Variants in GALNT17 observed in about 807,000 individuals in gnomAD.
GALNT17 encodes the protein polypeptide N-acetylgalactosaminyltransferase 17, also known as UDP-GalNAc:polypeptide N-acetylgalactosaminyltransferase-like 3.
A neutral mutation model predicts 63.7 loss-of-function variants in GALNT17; 29 were observed. The ratio of observed to expected loss-of-function variants is 0.46; its 90% CI spans 0.34 to 0.62. The LOEUF (loss-of-function observed/expected upper bound fraction) is 0.62. GALNT17 is among the 20% of genes least tolerant of loss of function. The probability of loss-of-function intolerance (pLI) is 0.01; values close to 1 mark genes in which losing one functional copy is unlikely to be tolerated. For missense variants in GALNT17, 603 were observed against 799.6 expected (o/e 0.75, Z 2.97); for synonymous variants, 305 against 318.3 (o/e 0.96, Z 0.45).
intron 6 of GALNT17, among the ~76,000 whole-genome samples, chr7:71,600,128 G>T (rs544932302): frequency 6.6e-6 from 1 of 151,964 alleles, no homozygotes; most frequent in Admixed American, 6.6e-5. Context: ...AGTTTTGGGG[G>T]GCCCAAAATC....
intron 1 of GALNT17, among the ~76,000 whole-genome samples, chr7:71,242,713 GA>G (rs1790022117): frequency 6.6e-6 from 1 of 152,176 alleles, no homozygotes. Flanking sequence ...TAGTGGGGAG[GA>G]ACTTACAGCC....
intron 5 of GALNT17, among the ~76,000 whole-genome samples, chr7:71,530,168 C>T (rs910076978): frequency 1.3e-5 from 2 of 152,286 alleles, no homozygotes; most frequent in East Asian, 3.9e-4. Context: ...ACCCAGGGGG[C>T]AAGTCCTGGG....
rs543197314 is a variant in GALNT17, at chr7:71,538,997, C to T, written c.963-32288C>T. 3.9e-5 allele frequency among the ~76,000 whole-genome samples: 6 copies of T among 152,094 alleles called. No homozygotes were observed. The South Asian group carries it at 8.3e-4, about 21-fold the overall frequency. ...TGTCGCCCAGGCTGGAGTGCAGTGG[C>T]GCCATTTCAACTCACCACAACCTCC... is the stretch of plus-strand genomic sequence containing the variant. On this transcript the variant is annotated intron_variant, in intron 5 of 10. Coordinates refer to ENST00000333538, the MANE Select transcript of GALNT17 (RefSeq NM_022479.3).
At chr7:71,144,415 T>G (rs189069000) in intron 1 of GALNT17, among the ~76,000 whole-genome samples, 3 of 152,128 alleles carry the variant, frequency 2.0e-5, no homozygotes, top group African/African-American at 7.2e-5. Flanking sequence ...TAATCATCAT[T>G]ATTATTGGCT....
At chr7:71,189,847 G>A (rs545688867) in intron 1 of GALNT17, among the ~76,000 whole-genome samples, 7 of 135,522 alleles carry the variant, frequency 5.2e-5, no homozygotes, top group African/African-American at 1.9e-4. Flanking sequence ...TTTCATTCTT[G>A]TTGCCCAGGC....
At chr7:71,269,823 G>A (rs1172019776) in intron 1 of GALNT17, among the ~76,000 whole-genome samples, 1 of 152,194 alleles carries the variant, frequency 6.6e-6, no homozygotes, top group Non-Finnish European at 1.5e-5. Context: ...ATGGCTGGGG[G>A]AGGTGATGGA....
At chr7:71,286,820 C>T (rs778673135) in intron 1 of GALNT17, among the ~76,000 whole-genome samples, 7 of 151,736 alleles carry the variant, frequency 4.6e-5, no homozygotes, top group Admixed American at 1.3e-4. Flanking sequence ...CAGGGTCTCA[C>T]TCTTTGGCCC....
At chr7:71,596,621 C>T (rs1789890601) in intron 6 of GALNT17, among the ~76,000 whole-genome samples, 1 of 151,990 alleles carries the variant, frequency 6.6e-6, no homozygotes, top group Non-Finnish European at 1.5e-5. Flanking sequence ...TGGGAGATGG[C>T]TCCTGCTTCC....
At chr7:71,493,936 T>C (rs1475499017) in intron 5 of GALNT17, among the ~76,000 whole-genome samples, 1 of 152,200 alleles carries the variant, frequency 6.6e-6, no homozygotes, top group Non-Finnish European at 1.5e-5. Flanking sequence ...GTTACTTACT[T>C]GCAGAGAAGA....
At chr7:71,427,731 T>C (rs1786785396) in intron 5 of GALNT17, among the ~76,000 whole-genome samples, 1 of 151,734 alleles carries the variant, frequency 6.6e-6, no homozygotes, top group Non-Finnish European at 1.5e-5. Flanking sequence ...AGGAGGTGAG[T>C]GGCAGGCGAG....
chr7:71,380,866 G>A (rs73702877), intron 2 of GALNT17, among the ~76,000 whole-genome samples: 1,806 of 152,132 alleles, frequency 0.012, 32 homozygotes, highest in African/African-American at 0.041. Flanking sequence ...CCCATTTCCA[G>A]TGTGCAGGAA....
chr7:71,228,515 C>T (rs1348896174), intron 1 of GALNT17, among the ~76,000 whole-genome samples: 1 of 152,302 alleles, frequency 6.6e-6, no homozygotes, highest in Non-Finnish European at 1.5e-5. Context: ...ATCAATACCA[C>T]GGGGCTGAAA....
intron 2 of GALNT17, among the ~76,000 whole-genome samples, chr7:71,371,817 C>G (rs1792628644): frequency 6.6e-6 from 1 of 152,114 alleles, no homozygotes; most frequent in South Asian, 2.1e-4. Context: ...GAAAGGACCC[C>G]CAACACCATT....
intron 5 of GALNT17, among the ~76,000 whole-genome samples, chr7:71,554,799 C>A (rs528668663): frequency 1.3e-5 from 2 of 152,366 alleles, no homozygotes; most frequent in African/African-American, 2.4e-5. Flanking sequence ...CCAGGAGAGA[C>A]CTTCTCTTAT....
chr7:71,517,583 A>C (rs1788464902), intron 5 of GALNT17, among the ~76,000 whole-genome samples: 1 of 152,168 alleles, frequency 6.6e-6, no homozygotes, highest in African/African-American at 2.4e-5. Flanking sequence ...TTTAATTTGC[A>C]ATCATATGGT....
chr7:71,180,157 G>A (rs900086496), intron 1 of GALNT17, among the ~76,000 whole-genome samples: 1 of 151,622 alleles, frequency 6.6e-6, no homozygotes, highest in Admixed American at 6.6e-5. Context: ...ATGGAGTGTC[G>A]CTCTGTCGCC....
At chr7:71,174,883 C>G (rs936711229) in intron 1 of GALNT17, among the ~76,000 whole-genome samples, 1 of 152,118 alleles carries the variant, frequency 6.6e-6, no homozygotes, top group South Asian at 2.1e-4. Context: ...GACATTGTGT[C>G]TTGCTTAGGA....
intron 1 of GALNT17, among the ~76,000 whole-genome samples, chr7:71,324,094 C>T (rs1791662599): frequency 6.6e-6 from 1 of 152,138 alleles, no homozygotes; most frequent in Non-Finnish European, 1.5e-5. Flanking sequence ...AAGGAAACAG[C>T]AGAGGACGAG....
At chr7:71,332,042 A>G (rs1791816390) in intron 1 of GALNT17, among the ~76,000 whole-genome samples, 1 of 152,142 alleles carries the variant, frequency 6.6e-6, no homozygotes, top group Non-Finnish European at 1.5e-5. Flanking sequence ...GGGCCCAGAG[A>G]CTTTAGCCTA....
Sources: allele counts gnomAD v4.1 joint callset (sites outside exome capture counted in the v4.1 genomes callset), GRCh38; gene constraint gnomAD v4.1.1; transcripts MANE v1.5; gene names NCBI Gene and HGNC (gene_info 2026-07-23, HGNC 2026-07-21).